CDH13: variants seen among roughly 807,000 people sequenced by gnomAD.
CDH13 encodes the protein cadherin 13, also known as cadherin-13.
A neutral mutation model predicts 63.8 loss-of-function variants in CDH13; 24 were observed. The ratio of observed to expected loss-of-function variants is 0.38; its 90% CI spans 0.27 to 0.53. The LOEUF is 0.53. Ranked by LOEUF, CDH13 falls within the 20% of genes least tolerant of loss-of-function variation. CDH13 has a pLI of 0.85. For synonymous variants in CDH13, 503 were observed against 355.3 expected, an observed-to-expected ratio of 1.42 and a Z score of -4.67; for missense variants, 1,049 against 903.1, an observed-to-expected ratio of 1.16 and a Z score of -2.07.
intron 2 of CDH13, among the ~76,000 whole-genome samples, chr16:82,940,210 G>T (rs2151307429): frequency 6.6e-6 from 1 of 152,296 alleles, no homozygotes; most frequent in Non-Finnish European, 1.5e-5. Context: ...CAAATGCAAA[G>T]CCTGAAATAT....
chr16:83,559,507 G>A lies in CDH13; in HGVS notation c.961-42947G>A, dbSNP rs982812971. 6.6e-5 allele frequency among the ~76,000 whole-genome samples: 10 copies of A among 152,032 alleles called. No individual in the cohort carries two copies. In the East Asian group the frequency reaches 1.9e-3, roughly 29 times the overall value. On this transcript the variant is annotated intron_variant, in intron 7 of 13. Transcript: ENST00000567109. The stretch of plus-strand genomic sequence containing the variant: ...AATCACTTGAACCTGGGAGACAGAG[G>A]TTGTGGTGAGCCAAGATCATGTCAT...
intron 2 of CDH13, among the ~76,000 whole-genome samples, chr16:83,011,333 C>G (rs11150531): frequency 0.57 from 87,363 of 152,056 alleles, 25,281 homozygotes; most frequent in South Asian, 0.69. Flanking sequence ...GCACACTGTT[C>G]AGCTCATGGA....
intron 5 of CDH13, among the ~76,000 whole-genome samples, chr16:83,285,556 G>A (rs1482058633): frequency 6.6e-6 from 1 of 152,090 alleles, no homozygotes; most frequent in Non-Finnish European, 1.5e-5. Flanking sequence ...AAAAAGCAAT[G>A]TAATAACTAT....
At chr16:83,073,715 A>T (rs189517444) in intron 3 of CDH13, among the ~76,000 whole-genome samples, 1 of 152,080 alleles carries the variant, frequency 6.6e-6, no homozygotes, top group Non-Finnish European at 1.5e-5. Context: ...AAGTTTTAAG[A>T]TATGATCATA....
At chr16:83,075,969 A>G (rs2032805912) in intron 3 of CDH13, among the ~76,000 whole-genome samples, 1 of 152,234 alleles carries the variant, frequency 6.6e-6, no homozygotes, top group Non-Finnish European at 1.5e-5. Context: ...GACAAAAACC[A>G]AACCAGGAAT....
rs771360670 is a variant in CDH13, at chr16:82,938,509, A to G, written c.157+80036A>G. Among the ~76,000 whole-genome samples, 10 of 152,178 alleles carry G rather than the reference A, an allele frequency of 6.6e-5. No individual in the cohort carries two copies. In the South Asian group the frequency reaches 1.9e-3, roughly 28 times the overall value. ...GTAAAGAGTCTGTGGTATTAGAAAC[A>G]TGTCTCAGCATGGCACTGCCCAGCA... On this transcript the variant is annotated intron_variant, in intron 2 of 13. Transcript: ENST00000567109.
chr16:82,639,332 T>G, intron 1 of CDH13: 1 of 1,494,700 alleles, frequency 6.7e-7, no homozygotes, highest in South Asian at 1.2e-5. Flanking sequence ...TTTGTGTTCT[T>G]TGTCTCCATG....
intron 7 of CDH13, among the ~76,000 whole-genome samples, chr16:83,552,089 C>T (rs186870891): frequency 6.6e-6 from 1 of 152,328 alleles, no homozygotes; most frequent in African/African-American, 2.4e-5. Context: ...TCCACCACCT[C>T]CCACCTTGGG....
chr16:82,785,510 C>T (rs1183369917), intron 1 of CDH13, among the ~76,000 whole-genome samples: 3 of 152,108 alleles, frequency 2.0e-5, no homozygotes, highest in Admixed American at 6.5e-5. Flanking sequence ...GTTCTAATGC[C>T]GGTGGAGAGA....
At chr16:83,167,039 T>C (rs2037706462) in intron 4 of CDH13, among the ~76,000 whole-genome samples, 1 of 152,096 alleles carries the variant, frequency 6.6e-6, no homozygotes, top group South Asian at 2.1e-4. Flanking sequence ...TACATGAAAA[T>C]AAACATACTA....
At chr16:83,662,068 G>A (rs78279944) in intron 8 of CDH13, among the ~76,000 whole-genome samples, 1,885 of 152,282 alleles carry the variant, frequency 0.012, 23 homozygotes, top group East Asian at 0.059. Context: ...CAGTGAGGGG[G>A]ACATTAGTAT....
chr16:82,773,053 A>G (rs2035334471), intron 1 of CDH13, among the ~76,000 whole-genome samples: 1 of 152,138 alleles, frequency 6.6e-6, no homozygotes, highest in Non-Finnish European at 1.5e-5. Context: ...AAAGGATAGA[A>G]CTCAAATCTC....
At chr16:83,349,675 A>G (rs2090911038) in intron 6 of CDH13, among the ~76,000 whole-genome samples, 2 of 151,920 alleles carry the variant, frequency 1.3e-5, no homozygotes, top group South Asian at 2.1e-4. Flanking sequence ...ATCTCAGCTC[A>G]CTGCAACCTG....
intron 2 of CDH13, among the ~76,000 whole-genome samples, chr16:82,940,928 A>C (rs1369750377): frequency 1.1e-4 from 16 of 152,178 alleles, no homozygotes; most frequent in Admixed American, 1.0e-3. Flanking sequence ...TATTTTGCAA[A>C]TGTGTTTGAA....
At chr16:83,372,943 C>G (rs537280807) in intron 6 of CDH13, among the ~76,000 whole-genome samples, 1 of 151,956 alleles carries the variant, frequency 6.6e-6, no homozygotes, top group Non-Finnish European at 1.5e-5. Flanking sequence ...GGACCTTTGG[C>G]AGAGTCAAGT....
At chr16:83,528,544 C>A (rs759591372) in intron 7 of CDH13, among the ~76,000 whole-genome samples, 2 of 152,080 alleles carry the variant, frequency 1.3e-5, no homozygotes, top group Admixed American at 1.3e-4. Flanking sequence ...TGGGAGGGCA[C>A]TTATCTTCAT....
intron 5 of CDH13, among the ~76,000 whole-genome samples, chr16:83,255,360 C>G (rs1472639082): frequency 6.6e-6 from 1 of 152,172 alleles, no homozygotes; most frequent in African/African-American, 2.4e-5. Flanking sequence ...TGTATTTGTG[C>G]TTGCATTAGA....
chr16:82,626,979 T>G lies in CDH13; in HGVS notation c.-114T>G. 1 of 1,225,270 alleles carries G rather than the reference T, an allele frequency of 8.2e-7. No individual in the cohort carries two copies. Among genetic ancestry groups the G allele is most frequent in the South Asian group, 1.3e-5 (1 of 77,326 alleles). The allele number at this position is 1,225,270 out of a possible 1,614,324, so 75.9% of individuals were successfully genotyped here. ...TGCTGCTGCTGATCTATTTGGGAAG[T>G]TGGCTGGCTGGCGAGGCAGAGCCTC... On this transcript the variant is annotated 5_prime_UTR_variant, in exon 1 of 14. Coordinates refer to ENST00000567109, the MANE Select transcript of CDH13 (RefSeq NM_001257.5).
intron 6 of CDH13, among the ~76,000 whole-genome samples, chr16:83,478,871 G>A (rs1309811653): frequency 2.0e-5 from 3 of 150,972 alleles, no homozygotes; most frequent in Admixed American, 6.6e-5. Flanking sequence ...AGAAAAAGCT[G>A]AATGATGAGC....
Sources: allele counts gnomAD v4.1 joint callset (sites outside exome capture counted in the v4.1 genomes callset), GRCh38; gene constraint gnomAD v4.1.1; transcripts MANE v1.5; gene names NCBI Gene and HGNC (gene_info 2026-07-23, HGNC 2026-07-21).